The following AGO2 variants were observed in gnomAD, a reference collection of about 807,000 sequenced individuals.
The protein encoded by AGO2 is argonaute RISC catalytic component 2, also known as protein argonaute-2.
AGO2 carries 5 observed loss-of-function variants against 102.3 expected under a neutral mutation model. The ratio of observed to expected loss-of-function variants is 0.05; its 90% CI spans 0.03 to 0.10. The LOEUF is 0.10. AGO2 is among the 10% of genes least tolerant of loss of function. The probability of loss-of-function intolerance (pLI) is 1.00; values close to 1 mark genes in which losing one functional copy is unlikely to be tolerated. For synonymous variants in AGO2, 449 were observed against 473.1 expected, an observed-to-expected ratio of 0.95 and a Z score of 0.66; for missense variants, 541 against 1,183.7, an observed-to-expected ratio of 0.46 and a Z score of 7.97.
At chr8:140,576,720 C>T (rs1453322518) in intron 2 of AGO2, among the ~76,000 whole-genome samples, 1 of 152,210 alleles carries the variant, frequency 6.6e-6, no homozygotes, top group Non-Finnish European at 1.5e-5. Flanking sequence ...CCCTGTCTAG[C>T]AACTTCTGAC....
At chr8:140,583,848 G>GT (rs1318841316) in intron 2 of AGO2, among the ~76,000 whole-genome samples, 1 of 152,100 alleles carries the variant, frequency 6.6e-6, no homozygotes, top group Non-Finnish European at 1.5e-5. Flanking sequence ...GGACTCCAGG[G>GT]TGACAGAGCA....
chr8:140,619,839 G>A (rs1431292739), intron 1 of AGO2, among the ~76,000 whole-genome samples: 8 of 152,194 alleles, frequency 5.3e-5, no homozygotes, highest in African/African-American at 1.9e-4. Context: ...ACCCTGCTGG[G>A]GTGGATGTGA....
intron 10 of AGO2, among the ~76,000 whole-genome samples, chr8:140,554,855 C>A (rs1158298310): frequency 6.6e-6 from 1 of 151,968 alleles, no homozygotes; most frequent in African/African-American, 2.4e-5. Context: ...CCACTCCAGG[C>A]TAATTTTTGT....
At chr8:140,628,134 A>C (rs994623214) in intron 1 of AGO2, among the ~76,000 whole-genome samples, 4 of 152,262 alleles carry the variant, frequency 2.6e-5, no homozygotes, top group Non-Finnish European at 5.9e-5. Context: ...GACCGGAAGA[A>C]GCTTTCAGGT....
In AGO2 at chr8:140,607,649, C is replaced by T. The variant is rs190181635; in HGVS notation, c.23-22338G>A. ...TGGCACCTGCTATGACATGGATGAACCTTTAGAGCATTGTTAGGCGAAAGA... is the reference window on the plus strand; with the variant it reads ...TGGCACCTGCTATGACATGGATGAATCTTTAGAGCATTGTTAGGCGAAAGA... On this transcript the variant is annotated intron_variant, in intron 1 of 18. Coordinates refer to ENST00000220592, the MANE Select transcript of AGO2 (RefSeq NM_012154.5). 4.2e-4 allele frequency among the ~76,000 whole-genome samples: 64 copies of T among 151,940 alleles called. No homozygotes were observed. The East Asian group carries it at 0.011, about 25-fold the overall frequency.
At chr8:140,550,025 A>G (rs552707263) in intron 11 of AGO2, among the ~76,000 whole-genome samples, 3 of 152,218 alleles carry the variant, frequency 2.0e-5, no homozygotes, top group African/African-American at 2.4e-5. Flanking sequence ...GTGTCCACCC[A>G]TATCTTCAGC....
intron 1 of AGO2, among the ~76,000 whole-genome samples, chr8:140,618,468 G>A (rs1563652143): frequency 6.6e-6 from 1 of 152,158 alleles, no homozygotes. Flanking sequence ...CAGCCTGGGT[G>A]ACAAAGCAAG....
chr8:140,596,427 T>C (rs1215319977), intron 1 of AGO2, among the ~76,000 whole-genome samples: 1 of 152,080 alleles, frequency 6.6e-6, no homozygotes, highest in African/African-American at 2.4e-5. Context: ...CTACTAAAAA[T>C]ACAAAATTAG....
At position 140,539,253 on chromosome 8, in the gene AGO2, A is replaced by G; in HGVS notation, c.2169+67T>C. 15 of 1,531,814 alleles carry G rather than the reference A, an allele frequency of 9.8e-6. No individual in the cohort carries two copies. Among genetic ancestry groups the G allele is most frequent in the Non-Finnish European group, 1.3e-5 (15 of 1,137,930 alleles). 94.9% of individuals were successfully genotyped at this position (1,531,814 alleles called of 1,614,324 possible). A position where few individuals can be genotyped will look rare whatever the true frequency, so the allele number is the denominator to read the frequency against. On this transcript the variant is annotated intron_variant, in intron 16 of 18. Coordinates refer to ENST00000220592, the MANE Select transcript of AGO2 (RefSeq NM_012154.5). This position sits in a 1 kb window ranked among gnomAD's most constrained non-coding sequence, Gnocchi z 4.7. ...ACTGTGGCCAGCAGGTTCTCTTGTG[A>G]GTGTGCTCGGGGTGTGGGGCTGAGG...
At chr8:140,555,189 T>C (rs2073073772) in intron 10 of AGO2, among the ~76,000 whole-genome samples, 4 of 152,172 alleles carry the variant, frequency 2.6e-5, no homozygotes, top group Admixed American at 6.5e-5. Flanking sequence ...CTGGTGTCCC[T>C]TCCAGCATGG....
intron 1 of AGO2, among the ~76,000 whole-genome samples, chr8:140,591,061 G>A (rs1197726249): frequency 6.6e-6 from 1 of 152,248 alleles, no homozygotes; most frequent in Admixed American, 6.5e-5. Flanking sequence ...AGGAGGGAAG[G>A]AAGCTCTGGG....
chr8:140,631,706 A>C (rs866240180), intron 1 of AGO2, among the ~76,000 whole-genome samples: 52 of 152,228 alleles, frequency 3.4e-4, no homozygotes, highest in African/African-American at 1.2e-3. Context: ...ACTTCTGAGA[A>C]TATGAGAGAA....
chr8:140,621,667 T>A (rs549108437), intron 1 of AGO2, among the ~76,000 whole-genome samples: 2 of 152,288 alleles, frequency 1.3e-5, no homozygotes, highest in Non-Finnish European at 2.9e-5. Context: ...AATGAACACA[T>A]CTAATATCTA....
chr8:140,608,290 C>T (rs1159950835), intron 1 of AGO2, among the ~76,000 whole-genome samples: 2 of 152,360 alleles, frequency 1.3e-5, no homozygotes, highest in Non-Finnish European at 2.9e-5. Flanking sequence ...CCTGTCACAT[C>T]CCCAGGGCAG....
intron 10 of AGO2, among the ~76,000 whole-genome samples, 198 bp from the exon 11 acceptor site, chr8:140,551,634 A>AGATGGGTGGATGGATGGTT (rs2072997088): frequency 1.5e-5 from 1 of 66,912 alleles, no homozygotes; most frequent in African/African-American, 5.7e-5. Context: ...GGCTGGTGGA[A>AGATGGGTGGATGGATGGTT]GATGGGTGGG....
At chr8:140,636,824 C>T (rs1341866385), upstream of AGO2, 2 of 152,376 alleles carry the variant, frequency 1.3e-5, no homozygotes, top group South Asian at 4.1e-4. Flanking sequence ...GCATGGCATT[C>T]TTCATCACCG....
upstream of AGO2, among the ~76,000 whole-genome samples, chr8:140,639,480 GAA>G (rs36037273): frequency 5.0e-5 from 7 of 139,884 alleles, no homozygotes; most frequent in African/African-American, 1.8e-4. Context: ...AACTCCATCT[GAA>G]AAAAAAAAAA....
At chr8:140,560,048 G>A (rs1286963343) in intron 5 of AGO2, among the ~76,000 whole-genome samples, 1 of 152,220 alleles carries the variant, frequency 6.6e-6, no homozygotes, top group Non-Finnish European at 1.5e-5. Flanking sequence ...AGCCTCCCAA[G>A]AGAGGGACAG....
intron 3 of AGO2, among the ~76,000 whole-genome samples, chr8:140,569,091 C>G (rs1234266414): frequency 6.6e-6 from 1 of 152,266 alleles, no homozygotes; most frequent in Non-Finnish European, 1.5e-5. Flanking sequence ...CCTTGGCCTC[C>G]CTTGCTGCCA....
Sources: gnomAD v4.1 joint callset for allele counts (sites outside exome capture counted in the v4.1 genomes callset) on GRCh38, gnomAD v4.1.1 for gene constraint, Gnocchi (gnomAD v3.1) non-coding constraint, MANE v1.5 for transcripts, NCBI Gene and HGNC (gene_info 2026-07-23, HGNC 2026-07-21) for gene names.